Variants in THSD4 observed in about 807,000 individuals in gnomAD.
The protein encoded by THSD4 is thrombospondin type-1 domain-containing protein 4.
Under a neutral mutation model 119.0 loss-of-function variants are expected in THSD4, and 69 were observed. The observed-to-expected ratio is 0.58, with a 90% CI of 0.48 to 0.71. The LOEUF (loss-of-function observed/expected upper bound fraction) is 0.71. Among genes scored for constraint, THSD4 ranks in the 30% least tolerant of loss-of-function variants. The probability of loss-of-function intolerance (pLI) is 0.00; values close to 1 mark genes in which losing one functional copy is unlikely to be tolerated. For synonymous variants in THSD4, 524 were observed against 540.4 expected, an observed-to-expected ratio of 0.97 and a Z score of 0.42; for missense variants, 1,393 against 1,391.1, an observed-to-expected ratio of 1.00 and a Z score of -0.02.
chr15:71,780,924 G>A lies in THSD4; in HGVS notation c.*3550G>A. ...GGCAGAGAAATCCAGATATTACCAG[G>A]ACCTGTCTAAACAAATGTTGTGGGT... On this transcript the variant is annotated 3_prime_UTR_variant, in exon 18 of 18. Transcript: ENST00000261862. The A allele has an allele frequency of 2.5e-6, 1 of 397,520 alleles. No homozygotes were observed. Among genetic ancestry groups the A allele is most frequent in the Non-Finnish European group, 5.0e-6 (1 of 199,974 alleles). 24.6% of individuals were successfully genotyped at this position (397,520 alleles called of 1,614,324 possible).
rs542873220 is a variant in THSD4, at chr15:71,282,993, G to A, written c.1015+26278G>A. ...TTTTTTTTTTTTTTTTTTTTGAGAC[G>A]GAGTTTTGCACTGTCACCCAGGCTG... On this transcript the variant is annotated intron_variant, in intron 6 of 17. Transcript: ENST00000261862. Among the ~76,000 whole-genome samples, 24 of 141,434 alleles carry A rather than the reference G, an allele frequency of 1.7e-4. No homozygotes were observed. In the East Asian group the frequency reaches 3.1e-3, roughly 18 times the overall value. The allele number at this position is 141,434 out of a possible 152,430, so 92.8% of individuals were successfully genotyped here.
rs2047475995 is a variant in THSD4, at chr15:71,464,671, A to C, written c.1152+52848A>C. 2.6e-5 allele frequency among the ~76,000 whole-genome samples: 4 copies of C among 152,274 alleles called. No individual in the cohort carries two copies. In the South Asian group the frequency reaches 8.3e-4, roughly 32 times the overall value. ...CTTTCTCACTCATCATCTCACCTAG[A>C]CACTTTCCCTTCTAAAGTTTAAGTA... On this transcript the variant is annotated intron_variant, in intron 7 of 17. Transcript: ENST00000261862.
intron 7 of THSD4, among the ~76,000 whole-genome samples, chr15:71,630,849 G>A (rs1567071758): frequency 6.6e-6 from 1 of 152,180 alleles, no homozygotes; most frequent in Non-Finnish European, 1.5e-5. Flanking sequence ...TGCACAGGAT[G>A]GCTCCTCACG....
intron 16 of THSD4, among the ~76,000 whole-genome samples, chr15:71,765,744 A>T (rs77659141): frequency 6.6e-6 from 1 of 151,634 alleles, no homozygotes; most frequent in Non-Finnish European, 1.5e-5. Context: ...TCTGAAAAAC[A>T]TTTTTTTTAA....
In THSD4 at chr15:71,418,976, G is replaced by C. The variant is rs998275368; in HGVS notation, c.1152+7153G>C. 3.7e-5 allele frequency among the ~76,000 whole-genome samples: 4 copies of C among 107,726 alleles called. 1 individual carries two copies. The highest frequency in any genetic ancestry group is 1.3e-4 in the African/African-American group (4 of 31,740). 70.7% of individuals were successfully genotyped at this position (107,726 alleles called of 152,430 possible). The stretch of plus-strand genomic sequence containing the variant: ...TATTGACATATAGTTGCTTATAGTA[G>C]TCACTGTTGATCCTTTGAATTTCTG... On this transcript the variant is annotated intron_variant, in intron 7 of 17. Coordinates refer to ENST00000261862, the MANE Select transcript of THSD4 (RefSeq NM_024817.3).
intron 6 of THSD4, among the ~76,000 whole-genome samples, chr15:71,330,563 T>C (rs1238415480): frequency 1.3e-5 from 2 of 152,158 alleles, no homozygotes; most frequent in African/African-American, 4.8e-5. Flanking sequence ...GTAATAACAA[T>C]AGTATCAGCT....
chr15:71,526,408 G>A (rs140701561), intron 7 of THSD4, among the ~76,000 whole-genome samples: 86 of 152,254 alleles, frequency 5.6e-4, no homozygotes, highest in African/African-American at 1.9e-3. Context: ...GGAGAGAGTC[G>A]CTTAGAGGTC....
intron 6 of THSD4, among the ~76,000 whole-genome samples, chr15:71,257,375 G>A (rs773172404): frequency 1.3e-5 from 2 of 152,118 alleles, no homozygotes; most frequent in Non-Finnish European, 2.9e-5. Context: ...GAGAAAGTGG[G>A]CTCAGAAGAG....
At chr15:71,574,873 A>G (rs1327688515) in intron 7 of THSD4, among the ~76,000 whole-genome samples, 5 of 152,184 alleles carry the variant, frequency 3.3e-5, no homozygotes, top group South Asian at 4.1e-4. Context: ...AACTGTTACA[A>G]TCTAGTCCAT....
intron 5 of THSD4, among the ~76,000 whole-genome samples, chr15:71,247,772 C>T (rs1019500355): frequency 7.2e-5 from 11 of 152,104 alleles, no homozygotes; most frequent in Non-Finnish European, 1.3e-4. Context: ...TAATCCGCAG[C>T]CCTGCACTTT....
intron 7 of THSD4, among the ~76,000 whole-genome samples, chr15:71,616,642 A>C (rs1056768269): frequency 6.6e-6 from 1 of 152,232 alleles, no homozygotes; most frequent in East Asian, 1.9e-4. Flanking sequence ...AAGGGGCCTG[A>C]ATTCAATCCA....
intron 7 of THSD4, among the ~76,000 whole-genome samples, chr15:71,531,543 C>A (rs1043494777): frequency 1.5e-4 from 23 of 152,082 alleles, no homozygotes; most frequent in Admixed American, 4.6e-4. Flanking sequence ...GAGACAGACG[C>A]CCTGGGTTTG....
chr15:71,695,936 C>G (rs2052156857), intron 8 of THSD4, among the ~76,000 whole-genome samples: 1 of 152,072 alleles, frequency 6.6e-6, no homozygotes, highest in Non-Finnish European at 1.5e-5. Context: ...CTTAATTTAT[C>G]TGTAAAATGT....
At chr15:71,471,073 T>C (rs1438500265) in intron 7 of THSD4, among the ~76,000 whole-genome samples, 2 of 152,326 alleles carry the variant, frequency 1.3e-5, no homozygotes, top group East Asian at 3.9e-4. Flanking sequence ...AACTTGCTGG[T>C]TTTGGGATAA....
chr15:71,335,381 C>T (rs990131102), intron 6 of THSD4, among the ~76,000 whole-genome samples: 1 of 152,116 alleles, frequency 6.6e-6, no homozygotes, highest in African/African-American at 2.4e-5. Context: ...CTCTCCCCAA[C>T]CCCTCCCAAC....
At chr15:71,596,317 CTCTT>C (rs1284189709) in intron 7 of THSD4, among the ~76,000 whole-genome samples, 1 of 152,174 alleles carries the variant, frequency 6.6e-6, no homozygotes, top group Non-Finnish European at 1.5e-5. Flanking sequence ...GTGGTTTTCT[CTCTT>C]TCTTCTTCTT....
chr15:71,345,159 A>G (rs981765060), intron 6 of THSD4, among the ~76,000 whole-genome samples: 2 of 119,104 alleles, frequency 1.7e-5, no homozygotes, highest in African/African-American at 3.2e-5. Context: ...TCATTTCTGT[A>G]TGGTATGTTT....
chr15:71,218,283 C>A (rs1264945095), intron 4 of THSD4, among the ~76,000 whole-genome samples: 1 of 152,190 alleles, frequency 6.6e-6, no homozygotes, highest in Admixed American at 6.5e-5. Context: ...CGGTGCTGCT[C>A]ACCCCCAGAT....
intron 6 of THSD4, among the ~76,000 whole-genome samples, chr15:71,398,423 A>G (rs771672374): frequency 6.6e-5 from 10 of 152,160 alleles, no homozygotes; most frequent in Admixed American, 1.3e-4. Context: ...GGGAGAGGGC[A>G]GGAAACTTGG....
Sources: allele counts gnomAD v4.1 joint callset (sites outside exome capture counted in the v4.1 genomes callset), GRCh38; gene constraint gnomAD v4.1.1; transcripts MANE v1.5; gene names NCBI Gene and HGNC (gene_info 2026-07-23, HGNC 2026-07-21).